Variants in DDX60 observed in about 807,000 individuals in gnomAD.
DDX60 encodes probable ATP-dependent RNA helicase DDX60.
Under a neutral mutation model 212.8 loss-of-function variants are expected in DDX60, and 165 were observed. The observed-to-expected ratio is 0.78, with a 90% CI of 0.68 to 0.88. The LOEUF (loss-of-function observed/expected upper bound fraction) is 0.88, where lower values mean the gene tolerates loss of function less well. Among genes scored for constraint, DDX60 ranks in the 40% least tolerant of loss-of-function variants. The probability of loss-of-function intolerance (pLI) is 0.00; values close to 1 mark genes in which losing one functional copy is unlikely to be tolerated. For missense variants in DDX60, 1,905 were observed against 2,003.9 expected (o/e 0.95, Z 0.94); for synonymous variants, 703 against 685.3 (o/e 1.03, Z -0.40).
intron 33 of DDX60, among the ~76,000 whole-genome samples, chr4:168,226,319 T>C (rs946250794): frequency 2.6e-5 from 4 of 152,030 alleles, no homozygotes; most frequent in Non-Finnish European, 4.4e-5. Flanking sequence ...CTTAATGTGA[T>C]GGGATTAGGA....
At chr4:168,273,070 A>C (rs897657631) in intron 18 of DDX60, among the ~76,000 whole-genome samples, 1 of 152,228 alleles carries the variant, frequency 6.6e-6, no homozygotes, top group Non-Finnish European at 1.5e-5. Flanking sequence ...TCAGAAATCC[A>C]AAGGTCAGTG....
chr4:168,255,993 T>C (rs1734393525), intron 25 of DDX60, 124 bp from the exon 26 acceptor site: 4 of 976,564 alleles, frequency 4.1e-6, no homozygotes, highest in Non-Finnish European at 5.7e-6. Flanking sequence ...CCTTTATAAA[T>C]GTTACCCAGA....
At chr4:168,245,333 G>A (rs1733984696) in intron 30 of DDX60, among the ~76,000 whole-genome samples, 1 of 152,076 alleles carries the variant, frequency 6.6e-6, no homozygotes, top group African/African-American at 2.4e-5. Context: ...AATGCCAGAA[G>A]GCAACGGAAA....
chr4:168,250,716 GA>G (rs11318201), intron 28 of DDX60, among the ~76,000 whole-genome samples: 151,649 of 151,674 alleles, frequency 1, 75,812 homozygotes, highest in Middle Eastern at 1. Context: ...AGTAGAGGCA[GA>G]GTTTCACCAT....
chr4:168,314,487 G>A (rs1468841578), intron 1 of DDX60, among the ~76,000 whole-genome samples: 1 of 152,096 alleles, frequency 6.6e-6, no homozygotes, highest in South Asian at 2.1e-4. Flanking sequence ...TCATAAAATA[G>A]TAACAGGCTG....
At chr4:168,239,640 G>C (rs1733769283) in intron 30 of DDX60, among the ~76,000 whole-genome samples, 1 of 152,094 alleles carries the variant, frequency 6.6e-6, no homozygotes, top group Non-Finnish European at 1.5e-5. Context: ...AATGTGGTAA[G>C]AGAGTGAGGC....
chr4:168,281,710 CA>C (rs1435622343), intron 13 of DDX60, among the ~76,000 whole-genome samples: 3 of 152,200 alleles, frequency 2.0e-5, no homozygotes, highest in Non-Finnish European at 4.4e-5. Context: ...AGGATTCCAA[CA>C]CATTTTCCAC....
At chr4:168,264,494 T>G (rs1251598681) in intron 22 of DDX60, among the ~76,000 whole-genome samples, 2 of 152,094 alleles carry the variant, frequency 1.3e-5, no homozygotes, top group African/African-American at 4.8e-5. Context: ...AAACATACAA[T>G]AAATCCAAGA....
intron 34 of DDX60, among the ~76,000 whole-genome samples, chr4:168,225,272 G>A (rs1733211118): frequency 6.6e-6 from 1 of 152,008 alleles, no homozygotes; most frequent in Non-Finnish European, 1.5e-5. Flanking sequence ...TCTCATAGAT[G>A]CCCTTACTCA....
At chr4:168,236,556 G>A (rs1733637838) in intron 32 of DDX60, among the ~76,000 whole-genome samples, 183 bp from the exon 33 acceptor site, 1 of 151,562 alleles carries the variant, frequency 6.6e-6, no homozygotes, top group Non-Finnish European at 1.5e-5. Context: ...TTTCATCCTT[G>A]CTACCTATAC....
In DDX60 at chr4:168,283,571, G is replaced by T. The variant is rs1346493755; in HGVS notation, c.1597C>A (p.Gln533Lys). ...SRDPRVLRSV[Q>K]KYHVFQRFYG... ...AACCGTTGGAAAACATGATACTTTT[G>T]CACAGATCTAAGAACACGAGGGTCT... The change falls in exon 13 of 38, where the codon CAA becomes AAA. Residue 533 changes from glutamine (Q) to lysine (K), a missense_variant. Gln to Lys is a moderately conservative substitution (Grantham distance 53). Coordinates refer to ENST00000393743, the MANE Select transcript of DDX60 (RefSeq NM_017631.6). The T allele has an allele frequency of 1.9e-6, 3 of 1,612,976 alleles. No homozygotes were observed. Among genetic ancestry groups the T allele is most frequent in the Non-Finnish European group, 2.5e-6 (3 of 1,179,452 alleles).
intron 35 of DDX60, among the ~76,000 whole-genome samples, chr4:168,222,597 TCTA>T (rs1295279437): frequency 6.6e-6 from 1 of 152,116 alleles, no homozygotes; most frequent in Non-Finnish European, 1.5e-5. Context: ...TAAACAAGAC[TCTA>T]TTATTAAAAT....
rs911842113 is a variant in DDX60 at position 168,236,366 on chromosome 4, T to A, written c.4419A>T (p.Lys1473Asn). 6.2e-7 allele frequency: 1 copy of A among 1,603,408 alleles called. No homozygotes were observed. The highest frequency in any genetic ancestry group is 8.5e-7 in the Non-Finnish European group (1 of 1,175,254). ...TTTCCATAACGTCTTGAGAAAAATGTTTTGAGCCTATATAAAACAAAGTGT... is the reference window on the plus strand; with the variant it reads ...TTTCCATAACGTCTTGAGAAAAATGATTTGAGCCTATATAAAACAAAGTGT... ...DLCQPTRKGS[K>N]HFSQDVMEKL... Residue 1473 changes from lysine (K) to asparagine (N), a missense_variant, in exon 33 of 38, where the codon AAA becomes AAT. Coordinates refer to ENST00000393743, the MANE Select transcript of DDX60 (RefSeq NM_017631.6).
At chr4:168,321,756 A>G (rs1416401559), upstream of DDX60, among the ~76,000 whole-genome samples, 5 of 152,202 alleles carry the variant, frequency 3.3e-5, no homozygotes, top group African/African-American at 1.2e-4. Context: ...CTAGCCCATC[A>G]TTCTTCAGTT....
At chr4:168,263,910 T>C (rs912204466) in intron 22 of DDX60, among the ~76,000 whole-genome samples, 1 of 152,156 alleles carries the variant, frequency 6.6e-6, no homozygotes, top group African/African-American at 2.4e-5. Flanking sequence ...TTGTATCAAA[T>C]AGGATTCTTT....
At chr4:168,290,328 C>CTTTT (rs547452038) in intron 8 of DDX60, among the ~76,000 whole-genome samples, 21 of 124,246 alleles carry the variant, frequency 1.7e-4, no homozygotes, top group South Asian at 2.6e-4. Context: ...CTTTTCTTTT[C>CTTTT]TTTTTTTTTT....
chr4:168,245,894 C>T (rs1310278392), intron 30 of DDX60, among the ~76,000 whole-genome samples: 2 of 151,956 alleles, frequency 1.3e-5, no homozygotes, highest in Non-Finnish European at 2.9e-5. Context: ...AATGCACACC[C>T]ATGCCTAGAA....
chr4:168,314,329 A>G (rs1737270989), intron 1 of DDX60, among the ~76,000 whole-genome samples: 1 of 151,968 alleles, frequency 6.6e-6, no homozygotes, highest in Admixed American at 6.6e-5. Context: ...ACTCACACAC[A>G]CACACACACA....
intron 1 of DDX60, among the ~76,000 whole-genome samples, chr4:168,317,724 T>C (rs1466386962): frequency 1.3e-5 from 2 of 152,090 alleles, no homozygotes; most frequent in African/African-American, 4.8e-5. Flanking sequence ...CTCGGGAGAT[T>C]CCCCCAAAGA....
Sources: gnomAD v4.1 joint callset for allele counts (sites outside exome capture counted in the v4.1 genomes callset) on GRCh38, gnomAD v4.1.1 for gene constraint, MANE v1.5 for transcripts, NCBI Gene and HGNC (gene_info 2026-07-23, HGNC 2026-07-21) for gene names.